Variants in KMT2D observed in about 807,000 individuals in gnomAD.
The protein encoded by KMT2D is lysine methyltransferase 2D.
In KMT2D, 55 loss-of-function variants were observed where a neutral mutation model predicts 512.7. The ratio of observed to expected loss-of-function variants is 0.11; its 90% CI spans 0.09 to 0.13. KMT2D has a LOEUF of 0.13. Among genes scored for constraint, KMT2D ranks in the 10% least tolerant of loss-of-function variants. The pLI, the probability that KMT2D is intolerant of heterozygous loss-of-function variation, is 1.00. For synonymous variants in KMT2D, 2,995 were observed against 2,904.0 expected, an observed-to-expected ratio of 1.03 and a Z score of -1.01; for missense variants, 6,061 against 7,127.9, an observed-to-expected ratio of 0.85 and a Z score of 5.39.
chr12:49,028,742 GACT>G, intron 46 of KMT2D, 83 bp downstream of exon 46: 1 of 1,547,824 alleles, frequency 6.5e-7, no homozygotes, highest in Non-Finnish European at 8.8e-7. Context: ...GTGCTTGAAC[GACT>G]ACATTTTTCC....
chr12:49,054,739 C>T lies in KMT2D; in HGVS notation c.189G>A (p.Val63=), dbSNP rs1164661199. The part of the protein sequence containing the change: ...ETPQDCSGGP[V]RRCALCNCGE... The stretch of plus-strand genomic sequence containing the variant: ...CGCAGTTACAGAGAGCACAACGCCG[C>T]ACCGGACCCCCACTGTGGACACACA... The change falls in exon 4 of 55, where the codon GTG becomes GTA. Residue 63 remains valine, a synonymous_variant. Transcript: ENST00000301067. This position sits in a 1 kb window ranked among gnomAD's most constrained non-coding sequence, Gnocchi z 6.4. 6.2e-7 allele frequency: 1 copy of T among 1,613,896 alleles called. No individual in the cohort carries two copies.
rs1019893160 is a variant in KMT2D at position 49,046,871 on chromosome 12, G to A, written c.4237-81C>T. On this transcript the variant is annotated intron_variant, in intron 15 of 54. Transcript: ENST00000301067. This position sits in a 1 kb window ranked among gnomAD's most constrained non-coding sequence, Gnocchi z 4.2. ...CTTTTTATTTTTTTTTGGAGATGGA[G>A]TTTTGCTCTTGTTCCCCAGGCTGGA... The A allele has an allele frequency of 3.0e-6, 4 of 1,341,786 alleles. No individual in the cohort carries two copies. The South Asian group carries it at 4.3e-5, about 14-fold the overall frequency. The allele number at this position is 1,341,786 out of a possible 1,614,324, so 83.1% of individuals were successfully genotyped here. A position where few individuals can be genotyped will look rare whatever the true frequency, so the allele number is the denominator to read the frequency against.
chr12:49,032,171 G>T lies in KMT2D; in HGVS notation c.12534C>A (p.Val4178=). 1 of 1,613,070 alleles carries T rather than the reference G, an allele frequency of 6.2e-7. No individual in the cohort carries two copies. The highest frequency in any genetic ancestry group is 1.1e-5 in the South Asian group (1 of 91,058). ...CAGGCAGACCCTGCCCAGACTGGAG[G>T]ACAGGTCCTGGTTTGGGAGGTTGTG... ...TGPQPPKPGP[V]LQSGQGLPGV... is the part of the protein sequence containing the mutation. Residue 4178 remains valine (V), a synonymous_variant, in exon 40 of 55, where the codon GTC becomes GTA. Coordinates refer to ENST00000301067, the MANE Select transcript of KMT2D (RefSeq NM_003482.4).
At chr12:49,023,486 C>A (rs1321256628) in intron 51 of KMT2D, among the ~76,000 whole-genome samples, 2 of 152,304 alleles carry the variant, frequency 1.3e-5, no homozygotes, top group Non-Finnish European at 1.5e-5. Context: ...GGCTGCCTGG[C>A]AGGATGCCTT....
At chr12:49,053,759 G>C (rs1392063921) in intron 6 of KMT2D, 118 bp from the exon 7 acceptor site, 2 of 1,255,288 alleles carry the variant, frequency 1.6e-6, no homozygotes, top group Non-Finnish European at 1.1e-6. Flanking sequence ...AAGTTACTGA[G>C]TGCCTGCCCA....
At chr12:49,055,174 A>G (rs908008248) in intron 2 of KMT2D, 102 bp downstream of exon 2, 1 of 1,535,750 alleles carries the variant, frequency 6.5e-7, no homozygotes, top group Non-Finnish European at 9.0e-7. Flanking sequence ...TTGTTCCATT[A>G]CTTATCTGCT....
chr12:49,048,562 C>T (rs1317809820), intron 14 of KMT2D, 97 bp downstream of exon 14: 2 of 724,122 alleles, frequency 2.8e-6, no homozygotes, highest in Admixed American at 2.1e-5. Context: ...TTCTCATTAG[C>T]TGGGTATCCC....
Position 49,022,467 on chromosome 12 carries a change from T to C in KMT2D, c.16339-114A>G. On this transcript the variant is annotated intron_variant, in intron 52 of 54. Transcript: ENST00000301067. The surrounding 1 kb of genome is among the most constrained non-coding windows in gnomAD (Gnocchi z 8.6). ...GGGGGCTTTTGTTGCATGTACTTCA[T>C]TTCTCCTGCCTTTCCCTTCTCCCCA... 6.7e-7 allele frequency: 1 copy of C among 1,498,848 alleles called. No individual in the cohort carries two copies. Among genetic ancestry groups the C allele is most frequent in the Non-Finnish European group, 9.2e-7 (1 of 1,091,332 alleles). 92.8% of individuals were successfully genotyped at this position (1,498,848 alleles called of 1,614,324 possible). A position where few individuals can be genotyped will look rare whatever the true frequency, so the allele number is the denominator to read the frequency against.
intron 1 of KMT2D, among the ~76,000 whole-genome samples, chr12:49,056,708 C>T (rs151180317): frequency 8.5e-5 from 13 of 152,320 alleles, no homozygotes; most frequent in African/African-American, 3.1e-4. Context: ...AGAGTGACCA[C>T]ACCACCCTTA....
rs1943300609 is a variant in KMT2D at position 49,037,886 on chromosome 12, C to T, written c.9470G>A (p.Gly3157Glu). 2 of 1,599,618 alleles carry T rather than the reference C, an allele frequency of 1.3e-6. No homozygotes were observed. Among genetic ancestry groups the T allele is most frequent in the Non-Finnish European group, 1.7e-6 (2 of 1,173,360 alleles). ...ATCCCGGCTGCCCATCATGCTCTGT[C>T]CTGGCTTTAGCCCCAGGCCAAGGGA... Reference protein sequence around the residue: ...ANSLGLGLKPGQSMMGSRDTR... With the variant: ...ANSLGLGLKPEQSMMGSRDTR... Residue 3157 changes from glycine (G) to glutamate (E), a missense_variant, in exon 35 of 55, where the codon GGA becomes GAA. Transcript: ENST00000301067.
rs751110341 is a variant in KMT2D, at chr12:49,052,694, C to T, written c.1128G>A (p.Glu376=). The T allele has an allele frequency of 1.2e-6, 2 of 1,613,594 alleles. No individual in the cohort carries two copies. The highest frequency in any genetic ancestry group is 4.5e-5 in the East Asian group (2 of 44,876). ...GCTCGTCAGTGGGGGTATCGCCAGG[C>T]TCTGGGGGTGAAAATCTGCAGAGGG... ...TPVCSRFSPP[E]PGDTPTDEPD... is the part of the protein sequence containing the mutation. The change falls in exon 10 of 55, where the codon GAG becomes GAA. Residue 376 remains glutamate (E), a synonymous_variant. Transcript: ENST00000301067.
At position 49,054,807 on chromosome 12, in the gene KMT2D, G is replaced by T. The variant is rs1592162618; in HGVS notation, c.177-56C>A. The T allele has an allele frequency of 2.5e-6, 4 of 1,604,994 alleles. No individual in the cohort carries two copies. The South Asian group carries it at 3.3e-5, about 13-fold the overall frequency. ...AGGCCCCCAGCAACCCCATGATCTG[G>T]CATGCCCATGCTTCCCCAACACTCA... On this transcript the variant is annotated intron_variant, in intron 3 of 54. Transcript: ENST00000301067. This position sits in a 1 kb window ranked among gnomAD's most constrained non-coding sequence, Gnocchi z 6.4.
At chr12:49,058,874 C>T (rs1244194196) in intron 1 of KMT2D, among the ~76,000 whole-genome samples, 1 of 152,156 alleles carries the variant, frequency 6.6e-6, no homozygotes, top group African/African-American at 2.4e-5. Flanking sequence ...TCTCAACGGC[C>T]TCCTCTATAA....
intron 19 of KMT2D, 92 bp downstream of exon 19, chr12:49,045,828 A>T: frequency 9.0e-7 from 1 of 1,112,350 alleles, no homozygotes; most frequent in Non-Finnish European, 1.4e-6. Context: ...TCCTCCTCTT[A>T]AAATAAGGAG....
At chr12:49,053,771 C>T (rs1202880089) in intron 6 of KMT2D, 130 bp from the exon 7 acceptor site, 12 of 1,172,312 alleles carry the variant, frequency 1.0e-5, no homozygotes, top group Middle Eastern at 4.8e-4. Context: ...GCCTGCCCAA[C>T]GTCTGCCAGC....
Position 49,030,999 on chromosome 12 carries a change from G to C in KMT2D, c.13565C>G (p.Pro4522Arg), listed in dbSNP as rs2120413298. The C allele has an allele frequency of 6.2e-7, 1 of 1,613,902 alleles. No homozygotes were observed. Among genetic ancestry groups the C allele is most frequent in the Non-Finnish European group, 8.5e-7 (1 of 1,179,862 alleles). ...AAARKPLTPK[P>R]KRVQKASDRL... is the part of the protein sequence containing the mutation. ...GTCGCTTGCCTTCTGTACCCGCTTGGGCTTCGGTGTCAAAGGCTTCCTTGC... is the reference window on the plus strand; with the variant it reads ...GTCGCTTGCCTTCTGTACCCGCTTGCGCTTCGGTGTCAAAGGCTTCCTTGC... The change falls in exon 41 of 55, where the codon CCC (proline) becomes CGC (arginine). Residue 4522 changes from proline (P) to arginine (R), a missense_variant. By Grantham distance (103) the Pro-to-Arg change is moderately radical (BLOSUM62 -2). This residue lies in a region of KMT2D where 1,600 missense variants were observed against 1,754.9 expected (regional missense o/e 0.91). Transcript: ENST00000301067.
chr12:49,040,803 T>C lies in KMT2D; in HGVS notation c.6967A>G (p.Thr2323Ala), dbSNP rs761166521. Residue 2323 changes from threonine (T) to alanine (A), a missense_variant, in exon 32 of 55, where the codon ACA becomes GCA. Physicochemically the swap from Thr to Ala is moderately conservative, Grantham distance 58. Around this residue, in one of 16 missense-constraint regions of KMT2D, gnomAD observed 710 missense variants for 647.3 expected, o/e 1.10. Coordinates refer to ENST00000301067, the MANE Select transcript of KMT2D (RefSeq NM_003482.4). ...AGGGGGGCTTTGAAGACATCAGGTG[T>C]CTTTAACTCCAGGCCACCCAGGTGG... ...GTHLGGLELK[T>A]PDVFKAPLTP... The C allele has an allele frequency of 5.0e-6, 8 of 1,613,560 alleles. No homozygotes were observed. In the South Asian group the frequency reaches 8.8e-5, roughly 18 times the overall value.
Position 49,049,230 on chromosome 12 carries a change from A to G in KMT2D, c.3907-12T>C, listed in dbSNP as rs1233351589. 1.3e-6 allele frequency: 2 copies of G among 1,552,412 alleles called. No individual in the cohort carries two copies. Among genetic ancestry groups the G allele is most frequent in the Non-Finnish European group, 8.8e-7 (1 of 1,134,590 alleles). ...CTGCTGCTGCGACCCTGAGTGAAAG[A>G]AGGGGACAATGACAGGAGCATGTCA... On this transcript the variant is annotated splice_polypyrimidine_tract_variant and intron_variant, in intron 12 of 54. Coordinates refer to ENST00000301067, the MANE Select transcript of KMT2D (RefSeq NM_003482.4).
chr12:49,030,910 G>A lies in KMT2D; in HGVS notation c.13654C>T (p.Leu4552=), dbSNP rs767086031. 4 of 1,613,678 alleles carry A rather than the reference G, an allele frequency of 2.5e-6. No individual in the cohort carries two copies. In the African/African-American group the frequency reaches 5.3e-5, roughly 22 times the overall value. The change falls in exon 41 of 55, where the codon CTG becomes TTG. Residue 4552 remains leucine, a synonymous_variant. Coordinates refer to ENST00000301067, the MANE Select transcript of KMT2D (RefSeq NM_003482.4). ...GGGGTCACCTGTTTCAGCTGTTTCA[G>A]CAAGGCCTCGCTGGCCCTGACCCCG... ...EDGVRASEAL[L]KQLKQELSLL...
Sources: allele counts gnomAD v4.1 joint callset (sites outside exome capture counted in the v4.1 genomes callset), GRCh38; gene constraint gnomAD v4.1.1; regional missense constraint gnomAD v4.1.1; non-coding constraint Gnocchi (gnomAD v3.1); transcripts MANE v1.5; gene names NCBI Gene and HGNC (gene_info 2026-07-23, HGNC 2026-07-21).